PTPRJ: variants seen among roughly 807,000 people sequenced by gnomAD.
The protein encoded by PTPRJ is protein tyrosine phosphatase receptor type J.
In PTPRJ, 129 loss-of-function variants were observed where a neutral mutation model predicts 141.3. The ratio of observed to expected loss-of-function variants is 0.91; its 90% CI spans 0.79 to 1.06. PTPRJ has a LOEUF of 1.06. PTPRJ is among the 50% of genes least tolerant of loss of function. PTPRJ has a pLI of 0.00. For synonymous variants in PTPRJ, 610 were observed against 640.5 expected (o/e 0.95, Z 0.72); for missense variants, 1,601 against 1,679.7 (o/e 0.95, Z 0.82).
At chr11:48,049,376 C>T (rs1043101736) in intron 1 of PTPRJ, among the ~76,000 whole-genome samples, 1 of 151,842 alleles carries the variant, frequency 6.6e-6, no homozygotes, top group Non-Finnish European at 1.5e-5. Flanking sequence ...AAAGGTACAA[C>T]ATTTAGAATT....
chr11:48,062,011 C>G (rs1432365583), intron 1 of PTPRJ, among the ~76,000 whole-genome samples: 2 of 150,706 alleles, frequency 1.3e-5, no homozygotes, highest in Admixed American at 6.6e-5. Context: ...CTCAAACGAT[C>G]CCCCCACCTC....
At chr11:48,132,162 G>T (rs900807936) in intron 8 of PTPRJ, 21 of 985,426 alleles carry the variant, frequency 2.1e-5, no homozygotes, top group Non-Finnish European at 2.5e-5. Flanking sequence ...GTGTTGGGCA[G>T]GTGGACTGTT....
At chr11:48,136,004 A>G (rs1857092941) in intron 8 of PTPRJ, 35 bp from the exon 9 acceptor site, 1 of 1,599,036 alleles carries the variant, frequency 6.3e-7, no homozygotes, top group Non-Finnish European at 8.5e-7. Context: ...CATGATAGTA[A>G]CAGTTTTCCC....
intron 1 of PTPRJ, among the ~76,000 whole-genome samples, chr11:48,059,090 C>T (rs1425540051): frequency 6.8e-6 from 1 of 146,164 alleles, no homozygotes; most frequent in Non-Finnish European, 1.5e-5. Context: ...TACTCCTGAT[C>T]GCTCCCTACT....
chr11:48,139,439 A>C (rs752422826), intron 10 of PTPRJ, 47 bp from the exon 11 acceptor site: 2 of 1,592,486 alleles, frequency 1.3e-6, no homozygotes, highest in African/African-American at 2.7e-5. Flanking sequence ...CATGTTTGCA[A>C]AGGCAAAAGT....
chr11:48,155,021 G>A (rs4597030), intron 19 of PTPRJ, among the ~76,000 whole-genome samples: 105,982 of 152,046 alleles, frequency 0.7, 37,825 homozygotes, highest in South Asian at 0.79. Flanking sequence ...AATCAGAGAC[G>A]GGGAAACTGA....
At chr11:48,142,822 TAA>T in intron 11 of PTPRJ, 95 bp from the exon 12 acceptor site, 1 of 1,394,552 alleles carries the variant, frequency 7.2e-7, no homozygotes, top group Non-Finnish European at 9.6e-7. Flanking sequence ...GCTTCCAGAG[TAA>T]GATCTTGAGG....
At position 48,167,273 on chromosome 11, in the gene PTPRJ, C is replaced by G; in HGVS notation, c.3925C>G (p.Leu1309Val). Reference protein sequence around the residue: ...VRSQKDSKVDLIYQNTTAMTI... With the variant: ...VRSQKDSKVDVIYQNTTAMTI... ...ATCCCAGAAAGACTCAAAAGTAGAT[C>G]TTATCTACCAGAACACAACTGCAAT... The change falls in exon 25 of 25, where the codon CTT becomes GTT. Residue 1309 changes from leucine (L) to valine (V), a missense_variant. By Grantham distance (32) the Leu-to-Val change is conservative (BLOSUM62 1). Coordinates refer to ENST00000418331, the MANE Select transcript of PTPRJ (RefSeq NM_002843.4). 6.2e-7 allele frequency: 1 copy of G among 1,612,210 alleles called. No homozygotes were observed. Among genetic ancestry groups the G allele is most frequent in the South Asian group, 1.1e-5 (1 of 91,050 alleles).
At chr11:48,068,157 T>C (rs950682299) in intron 1 of PTPRJ, among the ~76,000 whole-genome samples, 2 of 151,834 alleles carry the variant, frequency 1.3e-5, no homozygotes, top group African/African-American at 4.9e-5. Flanking sequence ...TTGATTGATT[T>C]ATTGACTGAA....
intron 1 of PTPRJ, among the ~76,000 whole-genome samples, chr11:48,082,114 C>A (rs542262028): frequency 6.6e-6 from 1 of 152,198 alleles, no homozygotes; most frequent in South Asian, 2.1e-4. Context: ...AAGCGTCAGT[C>A]CCATCTCTCT....
intron 19 of PTPRJ, 54 bp downstream of exon 19, chr11:48,153,940 T>A: frequency 1.3e-5 from 16 of 1,246,194 alleles, no homozygotes; most frequent in Non-Finnish European, 1.8e-5. Context: ...GGCCATCACA[T>A]CTCTAAGTGT....
intron 6 of PTPRJ, among the ~76,000 whole-genome samples, chr11:48,125,934 C>T (rs1405424290): frequency 6.6e-6 from 1 of 152,124 alleles, no homozygotes; most frequent in Non-Finnish European, 1.5e-5. Context: ...GTAGGACAGG[C>T]TGCCTGACCT....
At chr11:48,154,950 C>G (rs1019199948) in intron 19 of PTPRJ, among the ~76,000 whole-genome samples, 1 of 152,072 alleles carries the variant, frequency 6.6e-6, no homozygotes, top group East Asian at 1.9e-4. Context: ...GGCTGAGACT[C>G]AGGTCAGTAC....
intron 3 of PTPRJ, among the ~76,000 whole-genome samples, chr11:48,118,272 A>G (rs897706674): frequency 2.0e-5 from 3 of 152,142 alleles, no homozygotes; most frequent in African/African-American, 4.8e-5. Flanking sequence ...TTTTGTAGAG[A>G]TGGGGTCTCA....
intron 1 of PTPRJ, among the ~76,000 whole-genome samples, chr11:48,060,437 C>T (rs1399180729): frequency 6.6e-6 from 1 of 151,888 alleles, no homozygotes; most frequent in African/African-American, 2.4e-5. Context: ...TCTAAAGATC[C>T]AAACTCATGT....
At position 48,149,506 on chromosome 11, in the gene PTPRJ, T is replaced by A. The variant is rs1230413402; in HGVS notation, c.3041+18T>A. The A allele has an allele frequency of 7.0e-7, 1 of 1,429,938 alleles. No individual in the cohort carries two copies. Among genetic ancestry groups the A allele is most frequent in the Non-Finnish European group, 9.7e-7 (1 of 1,032,372 alleles). 88.6% of individuals were successfully genotyped at this position (1,429,938 alleles called of 1,614,324 possible). A position where few individuals can be genotyped will look rare whatever the true frequency, so the allele number is the denominator to read the frequency against. On this transcript the variant is annotated intron_variant, in intron 16 of 24. Coordinates refer to ENST00000418331, the MANE Select transcript of PTPRJ (RefSeq NM_002843.4). ...CAAATTAAGTAAGTCTCTCAAATTA[T>A]GAGCTTTATTTTAAATCCTCCAATC...
At chr11:48,105,659 C>G (rs1443394880) in intron 1 of PTPRJ, among the ~76,000 whole-genome samples, 1 of 152,130 alleles carries the variant, frequency 6.6e-6, no homozygotes, top group African/African-American at 2.4e-5. Context: ...GTTGAACTAA[C>G]CTTTTAACCA....
chr11:48,112,607 G>T (rs1392993463), intron 2 of PTPRJ, 140 bp from the exon 3 acceptor site: 1 of 677,770 alleles, frequency 1.5e-6, no homozygotes, highest in Non-Finnish European at 2.5e-6. Context: ...TGTTGTAGGT[G>T]ATGATACAAA....
chr11:48,029,491 A>C (rs1853923877), intron 1 of PTPRJ, among the ~76,000 whole-genome samples: 1 of 152,188 alleles, frequency 6.6e-6, no homozygotes. Flanking sequence ...TCTACAGCAA[A>C]TCCTTTAACC....
Sources: gnomAD v4.1 joint callset for allele counts (sites outside exome capture counted in the v4.1 genomes callset) on GRCh38, gnomAD v4.1.1 for gene constraint, MANE v1.5 for transcripts, NCBI Gene and HGNC (gene_info 2026-07-23, HGNC 2026-07-21) for gene names.